The following TNRC6B variants were observed in gnomAD, a reference collection of about 807,000 sequenced individuals.
TNRC6B encodes the protein trinucleotide repeat-containing gene 6B protein.
A neutral mutation model predicts 203.6 loss-of-function variants in TNRC6B; 52 were observed. That is an observed-to-expected ratio of 0.26 (90% CI 0.20 to 0.32). The LOEUF is 0.32. Ranked by LOEUF, TNRC6B falls within the 10% of genes least tolerant of loss-of-function variation. TNRC6B has a pLI of 1.00. For synonymous variants in TNRC6B, 838 were observed against 845.7 expected, an observed-to-expected ratio of 0.99 and a Z score of 0.16; for missense variants, 1,923 against 2,286.2, an observed-to-expected ratio of 0.84 and a Z score of 3.24.
chr22:40,252,225 A>G (rs747125966), intron 3 of TNRC6B, among the ~76,000 whole-genome samples: 1 of 152,226 alleles, frequency 6.6e-6, no homozygotes, highest in African/African-American at 2.4e-5. Flanking sequence ...TTTGCATAAA[A>G]TCGTCAAAAT....
intron 3 of TNRC6B, among the ~76,000 whole-genome samples, chr22:40,155,328 G>A (rs935995944): frequency 5.9e-5 from 9 of 151,990 alleles, no homozygotes; most frequent in African/African-American, 1.7e-4. Context: ...TTGCTCTGTC[G>A]CCCAGGCTGG....
chr22:40,202,927 C>T lies in TNRC6B; in HGVS notation c.5+24787C>T, dbSNP rs140826603. ...CTTTTCTTGCTAGCCCTTTCCTTCT[C>T]GCCCAGGTTTTCACTAATGTTTGAT... is the stretch of plus-strand genomic sequence containing the variant. On this transcript the variant is annotated intron_variant, in intron 1 of 22. Transcript: ENST00000454349. Among the ~76,000 whole-genome samples the T allele has an allele frequency of 2.7e-3, 411 of 152,224 alleles. 3 individuals are homozygous for T. The highest frequency in any genetic ancestry group is 8.6e-3 in the African/African-American group (357 of 41,556).
chr22:40,166,894 C>CAAA (rs567105023), intron 4 of TNRC6B, among the ~76,000 whole-genome samples: 1 of 136,544 alleles, frequency 7.3e-6, no homozygotes, highest in Non-Finnish European at 1.6e-5. Context: ...GACTTTGTCT[C>CAAA]AAAAAAAAAA....
chr22:40,135,323 A>G (rs1423239072), intron 3 of TNRC6B, among the ~76,000 whole-genome samples: 1 of 152,194 alleles, frequency 6.6e-6, no homozygotes, highest in Non-Finnish European at 1.5e-5. Context: ...GACCTTAAAT[A>G]TGAGATCATC....
chr22:40,264,830 GC>G lies in TNRC6B; in HGVS notation c.602del (p.Pro201LeufsTer81). 1 of 1,613,906 alleles carries G rather than the reference GC, an allele frequency of 6.2e-7. No homozygotes were observed. Among genetic ancestry groups the G allele is most frequent in the Non-Finnish European group, 8.5e-7 (1 of 1,179,890 alleles). On this transcript the variant is annotated frameshift_variant, in exon 5 of 23. Transcript: ENST00000454349. LOFTEE classifies it high-confidence loss of function. ...TAGACGGGTCTGACATGGAAGAGTGGCCTTGTATTGCCAGCAAAGACACTGA... is the reference window on the plus strand; with the variant it reads ...TAGACGGGTCTGACATGGAAGAGTGGCTTGTATTGCCAGCAAAGACACTGA... ...IVDGSDMEEW[P>X]CIASKDTESS...
At chr22:40,261,717 T>C (rs1176670198) in intron 3 of TNRC6B, 115 bp from the exon 4 acceptor site, 1 of 941,708 alleles carries the variant, frequency 1.1e-6, no homozygotes, top group African/African-American at 1.7e-5. Context: ...AAGACCAGCA[T>C]GGGCAACATG....
intron 1 of TNRC6B, among the ~76,000 whole-genome samples, chr22:40,240,320 C>G (rs1434918778): frequency 6.6e-6 from 1 of 152,148 alleles, no homozygotes; most frequent in East Asian, 1.9e-4. Flanking sequence ...TTTTGCCTGC[C>G]TGCACAGTAC....
intron 3 of TNRC6B, among the ~76,000 whole-genome samples, chr22:40,132,969 A>AATATAT (rs1166468730): frequency 0.12 from 9,220 of 77,926 alleles, 961 homozygotes; most frequent in African/African-American, 0.14. Flanking sequence ...AAAAAAAAAA[A>AATATAT]ATATATATAT....
At chr22:40,189,849 T>G (rs942080064) in intron 1 of TNRC6B, among the ~76,000 whole-genome samples, 2 of 152,176 alleles carry the variant, frequency 1.3e-5, no homozygotes, top group Non-Finnish European at 2.9e-5. Context: ...GAGTTGAAAT[T>G]TGCCAAGTAA....
chr22:40,322,844 C>T lies in TNRC6B; in HGVS notation c.5115-10C>T, dbSNP rs763584638. On this transcript the variant is annotated splice_polypyrimidine_tract_variant and intron_variant, in intron 22 of 22. Transcript: ENST00000454349. The stretch of plus-strand genomic sequence containing the variant: ...GAGATCCATAGCTCTCTTTCCCTCC[C>T]TTCTTCCAGGTGTGTGTTGGGAAAC... 5.6e-6 allele frequency: 9 copies of T among 1,613,710 alleles called. No individual in the cohort carries two copies. The highest frequency in any genetic ancestry group is 7.6e-6 in the Non-Finnish European group (9 of 1,179,874).
chr22:40,083,418 G>T (rs2068076566), intron 1 of TNRC6B, among the ~76,000 whole-genome samples: 1 of 152,244 alleles, frequency 6.6e-6, no homozygotes. Context: ...CAGAAGTCAT[G>T]TCGGAATGGT....
chr22:40,247,227 T>A (rs2070120665), intron 2 of TNRC6B, among the ~76,000 whole-genome samples: 1 of 152,172 alleles, frequency 6.6e-6, no homozygotes, highest in Non-Finnish European at 1.5e-5. Flanking sequence ...GTAAAGCATT[T>A]GGGAAGCAGG....
chr22:40,312,361 T>C, intron 17 of TNRC6B, 144 bp from the exon 18 acceptor site: 1 of 902,470 alleles, frequency 1.1e-6, no homozygotes. Context: ...TGATTTTTTT[T>C]TCCTTAATTT....
chr22:40,186,112 A>G (rs543713846), intron 1 of TNRC6B, among the ~76,000 whole-genome samples: 3 of 152,108 alleles, frequency 2.0e-5, no homozygotes, highest in Admixed American at 6.6e-5. Flanking sequence ...TGAGGTCACC[A>G]TGGGACTGTA....
At chr22:40,238,156 T>C (rs548519313) in intron 1 of TNRC6B, among the ~76,000 whole-genome samples, 75 of 152,212 alleles carry the variant, frequency 4.9e-4, no homozygotes, top group African/African-American at 1.7e-3. Flanking sequence ...GCCACGGACA[T>C]AGGGCAGGGA....
intron 1 of TNRC6B, among the ~76,000 whole-genome samples, chr22:40,103,748 T>C (rs1429256527): frequency 6.6e-6 from 1 of 151,976 alleles, no homozygotes; most frequent in Non-Finnish European, 1.5e-5. Flanking sequence ...GTTCAAGCAA[T>C]TCTCCTGTCT....
intron 22 of TNRC6B, 64 bp from the exon 23 acceptor site, chr22:40,322,790 G>A (rs2071352417): frequency 4.4e-6 from 7 of 1,587,112 alleles, no homozygotes; most frequent in African/African-American, 1.3e-5. Flanking sequence ...GACTGCAGTC[G>A]CTCCCTCCGT....
At chr22:40,047,320 G>A (rs1051155326) in intron 1 of TNRC6B, among the ~76,000 whole-genome samples, 1 of 152,150 alleles carries the variant, frequency 6.6e-6, no homozygotes, top group Non-Finnish European at 1.5e-5. Flanking sequence ...ATTTAAATTA[G>A]GCTGGGCGCG....
intron 3 of TNRC6B, chr22:40,155,989 CA>C (rs911398295): frequency 1.4e-6 from 1 of 714,774 alleles, no homozygotes; most frequent in African/African-American, 1.8e-5. Flanking sequence ...ACCATTGGCC[CA>C]GGCTTCTGTT....
Sources: allele counts gnomAD v4.1 joint callset (sites outside exome capture counted in the v4.1 genomes callset), GRCh38; gene constraint gnomAD v4.1.1; transcripts MANE v1.5; gene names NCBI Gene and HGNC (gene_info 2026-07-23, HGNC 2026-07-21).